Variants in INTS4 observed in about 807,000 individuals in gnomAD.
INTS4 encodes integrator complex subunit 4.
Under a neutral mutation model 119.5 loss-of-function variants are expected in INTS4, and 70 were observed. That is an observed-to-expected ratio of 0.59 (90% CI 0.48 to 0.71). INTS4 has a LOEUF of 0.71. INTS4 is among the 30% of genes least tolerant of loss of function. The probability of loss-of-function intolerance (pLI) is 0.00; values close to 1 mark genes in which losing one functional copy is unlikely to be tolerated. For missense variants in INTS4, 867 were observed against 1,173.2 expected (o/e 0.74, Z 3.81); for synonymous variants, 316 against 419.6 (o/e 0.75, Z 3.02).
intron 8 of INTS4, among the ~76,000 whole-genome samples, chr11:77,950,511 C>T (rs1056722665): frequency 1.3e-5 from 2 of 151,890 alleles, no homozygotes; most frequent in African/African-American, 4.8e-5. Flanking sequence ...TTCAACTGCA[C>T]ATAAAGGTGA....
In INTS4 at chr11:77,878,727, T is replaced by C. The variant is rs1045074243; in HGVS notation, c.*222A>G. On this transcript the variant is annotated 3_prime_UTR_variant, in exon 23 of 23. Transcript: ENST00000534064. Reference sequence around the variant, plus strand: ...ACCAGGAACTAGAACAGCTTGGTGTTTTCTCAACTTTATTGTGGACAGGAG... The same window carrying C: ...ACCAGGAACTAGAACAGCTTGGTGTCTTCTCAACTTTATTGTGGACAGGAG... The C allele has an allele frequency of 2.2e-5, 15 of 694,984 alleles. No individual in the cohort carries two copies. Among genetic ancestry groups the C allele is most frequent in the Non-Finnish European group, 3.4e-5 (13 of 383,462 alleles). The allele number at this position is 694,984 out of a possible 1,614,324, so 43.1% of individuals were successfully genotyped here.
chr11:77,882,726 C>T (rs1477381308), intron 22 of INTS4, among the ~76,000 whole-genome samples: 2 of 152,156 alleles, frequency 1.3e-5, no homozygotes, highest in African/African-American at 4.8e-5. Flanking sequence ...CCCTAACATC[C>T]AACAGCTTCA....
chr11:77,935,887 T>A (rs1953776379), intron 10 of INTS4, among the ~76,000 whole-genome samples: 1 of 25,442 alleles, frequency 3.9e-5, no homozygotes, highest in Non-Finnish European at 7.0e-5. Flanking sequence ...CAGAGCAAGA[T>A]CCTGTCTCAA....
chr11:77,882,269 A>G (rs1414105215), intron 22 of INTS4, among the ~76,000 whole-genome samples: 3 of 152,106 alleles, frequency 2.0e-5, no homozygotes, highest in Non-Finnish European at 2.9e-5. Context: ...CAAAACAAGG[A>G]AGTCTGCAAT....
chr11:77,925,325 G>A (rs1298689565), intron 11 of INTS4, among the ~76,000 whole-genome samples: 1 of 152,172 alleles, frequency 6.6e-6, no homozygotes, highest in East Asian at 1.9e-4. Flanking sequence ...AAAGATCACT[G>A]ATCACAGATC....
intron 1 of INTS4, among the ~76,000 whole-genome samples, chr11:77,992,349 C>T (rs575528208): frequency 1.3e-5 from 2 of 152,162 alleles, no homozygotes; most frequent in East Asian, 3.9e-4. Context: ...TAGGATTGCG[C>T]AACTGCACAC....
chr11:77,877,615 C>T (rs551693678), downstream of INTS4, among the ~76,000 whole-genome samples: 2 of 152,312 alleles, frequency 1.3e-5, no homozygotes, highest in South Asian at 2.1e-4. Context: ...TGAATGAATA[C>T]AGGCTTTATT....
chr11:77,918,715 C>T, intron 15 of INTS4, 106 bp downstream of exon 15: 4 of 1,483,528 alleles, frequency 2.7e-6, no homozygotes, highest in Non-Finnish European at 3.6e-6. Context: ...TGAATGTAGA[C>T]CAATAAAGTC....
At chr11:77,882,622 G>A (rs755303351) in intron 22 of INTS4, among the ~76,000 whole-genome samples, 6 of 152,306 alleles carry the variant, frequency 3.9e-5, no homozygotes, top group Non-Finnish European at 7.4e-5. Flanking sequence ...TATGGAATGA[G>A]GAATACTCAG....
rs1952282163 is a variant in INTS4 at position 77,891,822 on chromosome 11, CA to C, written c.2306del (p.Leu769CysfsTer20). On this transcript the variant is annotated frameshift_variant, in exon 20 of 23. Coordinates refer to ENST00000534064, the MANE Select transcript of INTS4 (RefSeq NM_033547.4). LOFTEE classifies it high-confidence loss of function. ...DFFQRYFIAD[L>X]PHLQDSFVDK... ...CCACAAAGCTGTCCTGCAAGTGGGG[CA>C]AATCAGCGATGAAATACCTGGAGGA... is the stretch of plus-strand genomic sequence containing the variant. 6.2e-7 allele frequency: 1 copy of C among 1,611,136 alleles called. No individual in the cohort carries two copies. Among genetic ancestry groups the C allele is most frequent in the Non-Finnish European group, 8.5e-7 (1 of 1,179,404 alleles).
chr11:77,990,411 C>T (rs1260697671), intron 2 of INTS4, among the ~76,000 whole-genome samples: 4 of 151,484 alleles, frequency 2.6e-5, no homozygotes, highest in South Asian at 2.1e-4. Flanking sequence ...TTTGGCCAGA[C>T]GCAGTGGCTC....
At chr11:77,962,495 T>C (rs1345822355) in intron 4 of INTS4, among the ~76,000 whole-genome samples, 1 of 152,144 alleles carries the variant, frequency 6.6e-6, no homozygotes, top group Non-Finnish European at 1.5e-5. Flanking sequence ...AACAAGCTAT[T>C]TGCATAACAT....
At chr11:77,974,230 T>G (rs1318486339) in intron 4 of INTS4, among the ~76,000 whole-genome samples, 2 of 109,890 alleles carry the variant, frequency 1.8e-5, no homozygotes, top group Non-Finnish European at 3.8e-5. Flanking sequence ...GTATATAATT[T>G]TTCTTTTCTT....
At chr11:77,920,909 C>T (rs1234345305) in intron 14 of INTS4, among the ~76,000 whole-genome samples, 2 of 150,544 alleles carry the variant, frequency 1.3e-5, no homozygotes, top group East Asian at 3.9e-4. Context: ...AATTTAAATT[C>T]TTGATCTAAA....
intron 21 of INTS4, among the ~76,000 whole-genome samples, chr11:77,890,403 C>T (rs568498592): frequency 1.4e-3 from 219 of 152,164 alleles, no homozygotes; most frequent in Non-Finnish European, 2.4e-3. Context: ...GTGCTTGCAT[C>T]CCTGCTTTGA....
chr11:77,978,910 T>C (rs965597804), intron 4 of INTS4, 86 bp downstream of exon 4: 6 of 752,370 alleles, frequency 8.0e-6, no homozygotes, highest in Non-Finnish European at 1.4e-5. Context: ...ATGAAAAAAA[T>C]AAGGCAGCTC....
intron 22 of INTS4, 135 bp downstream of exon 22, chr11:77,883,696 TA>T: frequency 1.1e-6 from 1 of 946,788 alleles, no homozygotes. Context: ...TGAGTGCTTA[TA>T]AACTCATTAA....
chr11:77,923,883 G>A (rs933751761), intron 12 of INTS4, among the ~76,000 whole-genome samples: 5 of 149,316 alleles, frequency 3.3e-5, no homozygotes, highest in African/African-American at 9.8e-5. Flanking sequence ...TCCTGCCTTC[G>A]CCTCCCAAGT....
At chr11:77,912,222 TGTG>T (rs987247171) in intron 15 of INTS4, among the ~76,000 whole-genome samples, 1 of 151,880 alleles carries the variant, frequency 6.6e-6, no homozygotes, top group African/African-American at 2.4e-5. Context: ...ATTAGCCAGG[TGTG>T]GTGGAGTGCG....
Sources: allele counts gnomAD v4.1 joint callset (sites outside exome capture counted in the v4.1 genomes callset), GRCh38; gene constraint gnomAD v4.1.1; transcripts MANE v1.5; gene names NCBI Gene and HGNC (gene_info 2026-07-23, HGNC 2026-07-21).